XYLT1: variants seen among roughly 807,000 people sequenced by gnomAD.
XYLT1 encodes the protein beta-D-xylosyltransferase 1.
In XYLT1, 36 loss-of-function variants were observed where a neutral mutation model predicts 91.3. That is an observed-to-expected ratio of 0.39 (90% CI 0.30 to 0.52). The LOEUF is 0.52. Ranked by LOEUF, XYLT1 falls within the 20% of genes least tolerant of loss-of-function variation. The pLI is 0.68. For synonymous variants in XYLT1, 588 were observed against 532.0 expected, an observed-to-expected ratio of 1.11 and a Z score of -1.45; for missense variants, 1,242 against 1,284.5, an observed-to-expected ratio of 0.97 and a Z score of 0.51.
At chr16:17,435,420 T>C (rs2036444135) in intron 1 of XYLT1, among the ~76,000 whole-genome samples, 1 of 152,154 alleles carries the variant, frequency 6.6e-6, no homozygotes, top group Non-Finnish European at 1.5e-5. Context: ...CAGCAATCCA[T>C]TATCTGGTCA....
At chr16:17,421,681 G>C (rs1054042475) in intron 1 of XYLT1, among the ~76,000 whole-genome samples, 2 of 152,156 alleles carry the variant, frequency 1.3e-5, no homozygotes, top group African/African-American at 4.8e-5. Flanking sequence ...AGTCTTAGAA[G>C]TGGATCCTCC....
Position 17,470,576 on chromosome 16 carries a change from G to T in XYLT1, c.221C>A (p.Pro74Gln). 8.3e-7 allele frequency: 1 copy of T among 1,197,850 alleles called. No homozygotes were observed. The allele number at this position is 1,197,850 out of a possible 1,614,324, so 74.2% of individuals were successfully genotyped here. ...TCCTCCTCCTCCTCGGGCTGCAGCC[G>T]GCTCGGCGGGCAGGTCCCGGCGCTC... ...RRERRDLPAE[P>Q]AAARGGGGGG... is the part of the protein sequence containing the mutation. The change falls in exon 1 of 12, where the codon CCG (proline) becomes CAG (glutamine). Residue 74 changes from proline (P) to glutamine (Q), a missense_variant. Around this residue, in one of 3 missense-constraint regions of XYLT1, gnomAD observed 437 missense variants for 411.5 expected, o/e 1.06. Transcript: ENST00000261381.
intron 1 of XYLT1, among the ~76,000 whole-genome samples, chr16:17,452,305 C>CT (rs35177574): frequency 0.012 from 1,593 of 131,660 alleles, 7 homozygotes; most frequent in South Asian, 0.017. Flanking sequence ...CAGTTTTTTT[C>CT]TTTTTTTTTT....
intron 2 of XYLT1, among the ~76,000 whole-genome samples, chr16:17,352,164 G>T (rs1387193717): frequency 6.6e-6 from 1 of 152,190 alleles, no homozygotes; most frequent in African/African-American, 2.4e-5. Context: ...ATTGTCAGAT[G>T]TCTCCTTGGC....
intron 2 of XYLT1, among the ~76,000 whole-genome samples, chr16:17,303,802 CCA>C (rs1262068742): frequency 2.0e-5 from 3 of 152,172 alleles, no homozygotes; most frequent in Non-Finnish European, 4.4e-5. Flanking sequence ...AGGCATTTGA[CCA>C]CATTCTCCTG....
In XYLT1 at chr16:17,117,767, C is replaced by G. The variant is rs1185749033; in HGVS notation, c.2436G>C (p.Leu812Phe). The G allele has an allele frequency of 6.2e-7, 1 of 1,614,048 alleles. No individual in the cohort carries two copies. The highest frequency in any genetic ancestry group is 1.7e-5 in the Admixed American group (1 of 60,004). Residue 812 changes from leucine to phenylalanine, a missense_variant, in exon 11 of 12, where the codon TTG becomes TTC. By Grantham distance (22) the Leu-to-Phe change is conservative (BLOSUM62 0). This residue lies in a region of XYLT1 where 511 missense variants were observed against 497.0 expected (regional missense o/e 1.03). Coordinates refer to ENST00000261381, the MANE Select transcript of XYLT1 (RefSeq NM_022166.4). ...AGACCCCAGGCCTCAGGGGCAAGTT[C>G]AAAGGGGGCTTGTAGTGTGTGAATT... ...TAEFTHYKPP[L>F]NLPLRPGVWT...
chr16:17,292,701 C>T (rs937621493), intron 2 of XYLT1, among the ~76,000 whole-genome samples: 17 of 152,216 alleles, frequency 1.1e-4, no homozygotes, highest in Admixed American at 1.0e-3. Flanking sequence ...AAATCCCTGG[C>T]ATTAAAGTTG....
At chr16:17,114,746 G>T (rs1966848565) in intron 11 of XYLT1, among the ~76,000 whole-genome samples, 1 of 152,198 alleles carries the variant, frequency 6.6e-6, no homozygotes, top group Admixed American at 6.5e-5. Flanking sequence ...AGATGGACAT[G>T]AATAATTCCA....
At chr16:17,268,667 CTTTTTTT>C (rs56389780) in intron 2 of XYLT1, among the ~76,000 whole-genome samples, 26 of 138,044 alleles carry the variant, frequency 1.9e-4, no homozygotes, top group African/African-American at 7.0e-4. Flanking sequence ...GTGATAAATA[CTTTTTTT>C]TTTTTTTTTT....
At chr16:17,330,969 G>C (rs527582770) in intron 2 of XYLT1, among the ~76,000 whole-genome samples, 1 of 152,294 alleles carries the variant, frequency 6.6e-6, no homozygotes, top group African/African-American at 2.4e-5. Flanking sequence ...GATGGTCCGT[G>C]CATTTGGAAG....
At chr16:17,142,524 C>T (rs955933017) in intron 6 of XYLT1, among the ~76,000 whole-genome samples, 6 of 147,798 alleles carry the variant, frequency 4.1e-5, no homozygotes, top group Non-Finnish European at 8.9e-5. Context: ...ACCTCCGCTT[C>T]CTGGGTTCAA....
intron 3 of XYLT1, among the ~76,000 whole-genome samples, chr16:17,210,313 C>T (rs747931037): frequency 3.3e-5 from 5 of 152,026 alleles, no homozygotes; most frequent in Non-Finnish European, 5.9e-5. Flanking sequence ...GCCTGACCAA[C>T]ATGGTGAAAC....
rs1393175889 is a variant in XYLT1 at position 17,141,337 on chromosome 16, A to G, written c.1403T>C (p.Phe468Ser). The G allele has an allele frequency of 6.2e-7, 1 of 1,614,134 alleles. No individual in the cohort carries two copies. Among genetic ancestry groups the G allele is most frequent in the Non-Finnish European group, 8.5e-7 (1 of 1,180,014 alleles). Residue 468 changes from phenylalanine to serine, a missense_variant, in exon 7 of 12, where the codon TTC (phenylalanine) becomes TCC (serine). By Grantham distance (155) the Phe-to-Ser change is radical. This residue lies in a region of XYLT1 where 294 missense variants were observed against 376.0 expected (regional missense o/e 0.78). Coordinates refer to ENST00000261381, the MANE Select transcript of XYLT1 (RefSeq NM_022166.4). ...CCACATGTGAGCGTCGCACTCCAGG[A>G]AGAGCCGATCCAGGCCCTGCTTCCG... ...FIRKQGLDRL[F>S]LECDAHMWRL...
intron 6 of XYLT1, 88 bp from the exon 7 acceptor site, chr16:17,141,457 C>T (rs997451211): frequency 8.4e-6 from 11 of 1,310,816 alleles, no homozygotes; most frequent in African/African-American, 4.4e-5. Context: ...ACAATCATAG[C>T]GATGATGGCA....
intron 2 of XYLT1, among the ~76,000 whole-genome samples, chr16:17,311,394 A>T (rs2034546428): frequency 6.6e-6 from 1 of 152,174 alleles, no homozygotes; most frequent in African/African-American, 2.4e-5. Context: ...AAGATTTGTT[A>T]AACTACAGAT....
At chr16:17,386,442 G>C (rs2035748680) in intron 1 of XYLT1, among the ~76,000 whole-genome samples, 1 of 152,198 alleles carries the variant, frequency 6.6e-6, no homozygotes, top group South Asian at 2.1e-4. Context: ...CAGCAGAGTT[G>C]CTTTAAATAG....
At chr16:17,376,123 C>T (rs114257518) in intron 1 of XYLT1, among the ~76,000 whole-genome samples, 5 of 152,250 alleles carry the variant, frequency 3.3e-5, no homozygotes, top group Admixed American at 6.5e-5. Flanking sequence ...TGTGCTTTCA[C>T]GACCTGGTGG....
intron 5 of XYLT1, chr16:17,194,304 GCACTCA>G (rs959785786): frequency 2.6e-5 from 4 of 152,242 alleles, no homozygotes; most frequent in Non-Finnish European, 5.9e-5. Context: ...GAGAGTGCAG[GCACTCA>G]CCCTCCCGGG....
In XYLT1 at chr16:17,319,933, T is replaced by C. The variant is rs545098755; in HGVS notation, c.402+38079A>G. Among the ~76,000 whole-genome samples, 3 of 152,288 alleles carry C rather than the reference T, an allele frequency of 2.0e-5. No homozygotes were observed. In the South Asian group the frequency reaches 6.2e-4, roughly 32 times the overall value. Reference sequence around the variant, plus strand: ...CAGCTCCCCTCCCCACTGGAATTCCTGGAGTCTTCAACCATGCTAAGCGCC... The same window carrying C: ...CAGCTCCCCTCCCCACTGGAATTCCCGGAGTCTTCAACCATGCTAAGCGCC... On this transcript the variant is annotated intron_variant, in intron 2 of 11. Transcript: ENST00000261381.
Sources: gnomAD v4.1 joint callset for allele counts (sites outside exome capture counted in the v4.1 genomes callset) on GRCh38, gnomAD v4.1.1 for gene constraint, gnomAD v4.1.1 regional missense constraint, MANE v1.5 for transcripts, NCBI Gene and HGNC (gene_info 2026-07-23, HGNC 2026-07-21) for gene names.